GPM6A: variants seen among roughly 807,000 people sequenced by gnomAD.
GPM6A encodes neuronal membrane glycoprotein M6-a.
Under a neutral mutation model 32.1 loss-of-function variants are expected in GPM6A, and 7 were observed. The observed-to-expected ratio is 0.22, with a 90% CI of 0.12 to 0.41. The LOEUF is 0.41. Among genes scored for constraint, GPM6A ranks in the 10% least tolerant of loss-of-function variants. The pLI, the probability that GPM6A is intolerant of heterozygous loss-of-function variation, is 1.00. For synonymous variants in GPM6A, 130 were observed against 123.4 expected, an observed-to-expected ratio of 1.05 and a Z score of -0.35; for missense variants, 235 against 347.2, an observed-to-expected ratio of 0.68 and a Z score of 2.57.
intron 1 of GPM6A, among the ~76,000 whole-genome samples, chr4:175,986,741 C>A (rs1251594190): frequency 6.6e-6 from 1 of 151,996 alleles, no homozygotes; most frequent in African/African-American, 2.4e-5. Context: ...CAGCAAATAG[C>A]CAACAGTGCA....
rs1740978631 is a variant in GPM6A at position 175,986,470 on chromosome 4, T to G, written c.-23+15839A>C. Among the ~76,000 whole-genome samples, 3 of 152,030 alleles carry G rather than the reference T, an allele frequency of 2.0e-5. No individual in the cohort carries two copies. In the South Asian group the frequency reaches 6.2e-4, roughly 32 times the overall value. ...AGGATTGCTTGAGCCCAGAAGAGTC[T>G]GCATTCTGCCCACCAGGCTACAGTG... On this transcript the variant is annotated intron_variant, in intron 1 of 7. Coordinates refer to the GPM6A transcript ENST00000280187.
intron 1 of GPM6A, among the ~76,000 whole-genome samples, chr4:175,708,583 C>T (rs1406582694): frequency 6.6e-6 from 1 of 151,936 alleles, no homozygotes; most frequent in Non-Finnish European, 1.5e-5. Flanking sequence ...GATGGGGTTT[C>T]ACTATGCTGT....
At chr4:175,792,697 ATT>A (rs1337994206) in intron 1 of GPM6A, among the ~76,000 whole-genome samples, 1 of 152,202 alleles carries the variant, frequency 6.6e-6, no homozygotes, top group Non-Finnish European at 1.5e-5. Flanking sequence ...TTATTTTGGA[ATT>A]TAACTTATAA....
At chr4:175,840,002 T>A (rs907987064) in intron 1 of GPM6A, among the ~76,000 whole-genome samples, 2 of 152,202 alleles carry the variant, frequency 1.3e-5, no homozygotes, top group Non-Finnish European at 2.9e-5. Context: ...GCCATCCCAA[T>A]TAAATTCTTC....
chr4:175,930,696 G>A (rs1023706508), intron 1 of GPM6A, among the ~76,000 whole-genome samples: 3 of 151,956 alleles, frequency 2.0e-5, no homozygotes, highest in Admixed American at 2.0e-4. Context: ...CAAGAATCCT[G>A]GCATTTTTCC....
intron 1 of GPM6A, among the ~76,000 whole-genome samples, chr4:175,998,211 T>C (rs557207408): frequency 6.6e-6 from 1 of 152,078 alleles, no homozygotes; most frequent in Non-Finnish European, 1.5e-5. Context: ...TGGAGTGTAG[T>C]GGCATGATCT....
At chr4:175,983,990 GTCTCTCTCTCTC>G (rs149265312) in intron 1 of GPM6A, among the ~76,000 whole-genome samples, 1 of 146,146 alleles carries the variant, frequency 6.8e-6, no homozygotes, top group Non-Finnish European at 1.5e-5. Flanking sequence ...TGCTCTCTCT[GTCTCTCTCTCTC>G]TCTCTCTGTC....
At chr4:175,969,547 G>GA (rs1740436160) in intron 1 of GPM6A, among the ~76,000 whole-genome samples, 2 of 151,730 alleles carry the variant, frequency 1.3e-5, no homozygotes, top group Admixed American at 1.3e-4. Flanking sequence ...CCTCTCTACT[G>GA]AAAAAAAGAA....
At chr4:175,662,516 C>T (rs887128478) in intron 3 of GPM6A, among the ~76,000 whole-genome samples, 3 of 152,056 alleles carry the variant, frequency 2.0e-5, no homozygotes, top group African/African-American at 7.2e-5. Context: ...AGGAGAATCA[C>T]TTGAACCTGG....
Position 175,676,239 on chromosome 4 carries a change from G to T in GPM6A, c.231-2403C>A, listed in dbSNP as rs1743360296. On this transcript the variant is annotated intron_variant, in intron 2 of 6. Coordinates refer to ENST00000393658, the MANE Select transcript of GPM6A (RefSeq NM_201591.3). ...TCTTTTATAAATTACCCGGTCTCAG[G>T]TATGTCTTTTATAGCAGCCTGAGAA... Among the ~76,000 whole-genome samples, 4 of 152,104 alleles carry T rather than the reference G, an allele frequency of 2.6e-5. No individual in the cohort carries two copies. The South Asian group carries it at 8.3e-4, about 32-fold the overall frequency.
At chr4:176,001,265 G>A (rs1368872641) in intron 1 of GPM6A, among the ~76,000 whole-genome samples, 2 of 152,320 alleles carry the variant, frequency 1.3e-5, no homozygotes, top group South Asian at 2.1e-4. Context: ...GCAAGGGGGA[G>A]GGGCGCCCAG....
intron 6 of GPM6A, among the ~76,000 whole-genome samples, chr4:175,638,551 T>C (rs879834910): frequency 1.8e-4 from 28 of 152,096 alleles, no homozygotes; most frequent in Admixed American, 3.3e-4. Context: ...CATCTCAAAA[T>C]CTGTTGATTT....
At chr4:175,951,588 T>C (rs1739814661) in intron 1 of GPM6A, among the ~76,000 whole-genome samples, 1 of 152,222 alleles carries the variant, frequency 6.6e-6, no homozygotes, top group Admixed American at 6.5e-5. Context: ...AATGAGGCTT[T>C]AGGCATTTAA....
chr4:175,698,391 T>C (rs1357685981), intron 2 of GPM6A, among the ~76,000 whole-genome samples: 2 of 152,194 alleles, frequency 1.3e-5, no homozygotes, highest in Non-Finnish European at 2.9e-5. Flanking sequence ...CCTACCTTAG[T>C]TGATTTCCAA....
intron 1 of GPM6A, among the ~76,000 whole-genome samples, chr4:175,886,815 G>T (rs1737475049): frequency 6.6e-6 from 1 of 151,234 alleles, no homozygotes. Context: ...CTAAATAAGT[G>T]TTATAAGATT....
intron 1 of GPM6A, among the ~76,000 whole-genome samples, chr4:175,779,371 C>T (rs1384238658): frequency 2.0e-5 from 3 of 152,178 alleles, no homozygotes; most frequent in Admixed American, 1.3e-4. Context: ...CCTCAATCAA[C>T]GCAGATTTAC....
At chr4:175,768,038 C>T (rs1733042488) in intron 1 of GPM6A, among the ~76,000 whole-genome samples, 1 of 152,050 alleles carries the variant, frequency 6.6e-6, no homozygotes, top group African/African-American at 2.4e-5. Context: ...GTAGTTCACC[C>T]CTAAAACTGA....
chr4:175,635,328 T>C (rs887647109), intron 6 of GPM6A, among the ~76,000 whole-genome samples: 1 of 152,180 alleles, frequency 6.6e-6, no homozygotes, highest in African/African-American at 2.4e-5. Flanking sequence ...TTAGTCTTTA[T>C]AGGATGTTTC....
At chr4:175,874,374 A>G (rs73871239) in intron 1 of GPM6A, among the ~76,000 whole-genome samples, 13 of 152,280 alleles carry the variant, frequency 8.5e-5, no homozygotes, top group African/African-American at 2.4e-4. Flanking sequence ...ATTTTTCAAG[A>G]AAAGACCTAC....
Sources: allele counts gnomAD v4.1 joint callset (sites outside exome capture counted in the v4.1 genomes callset), GRCh38; gene constraint gnomAD v4.1.1; transcripts MANE v1.5; gene names NCBI Gene and HGNC (gene_info 2026-07-23, HGNC 2026-07-21).